The following MAF variants were observed in gnomAD, a reference collection of about 807,000 sequenced individuals.
MAF encodes the protein MAF bZIP transcription factor.
MAF carries 10 observed loss-of-function variants against 22.0 expected under a neutral mutation model. That is an observed-to-expected ratio of 0.45 (90% CI 0.28 to 0.77). The LOEUF (loss-of-function observed/expected upper bound fraction) is 0.77, where lower values mean the gene tolerates loss of function less well. Ranked by LOEUF, MAF falls within the 30% of genes least tolerant of loss-of-function variation. The pLI is 0.12. For synonymous variants in MAF, 337 were observed against 255.8 expected (o/e 1.32, Z -3.03); for missense variants, 544 against 548.4 (o/e 0.99, Z 0.08).
At chr16:79,458,410 G>A in the MAF span, among the ~76,000 whole-genome samples, 2 of 152,162 alleles carry the variant, frequency 1.3e-5, no homozygotes, top group African/African-American at 4.8e-5. Flanking sequence ...GGCCCTCAGA[G>A]ACAGAGTGTT....
chr16:79,209,896 A>T, the MAF span, among the ~76,000 whole-genome samples: 1 of 152,220 alleles, frequency 6.6e-6, no homozygotes, highest in Non-Finnish European at 1.5e-5. Flanking sequence ...GATGACATGA[A>T]CTCATTTCCA....
chr16:79,425,494 G>A, the MAF span, among the ~76,000 whole-genome samples: 1 of 152,208 alleles, frequency 6.6e-6, no homozygotes, highest in Non-Finnish European at 1.5e-5. Flanking sequence ...GGTGGGAACT[G>A]ATTGGAAAAG....
the MAF span, among the ~76,000 whole-genome samples, chr16:79,401,501 T>A: frequency 6.6e-6 from 1 of 152,048 alleles, no homozygotes; most frequent in Admixed American, 6.6e-5. Flanking sequence ...CTTCATATAT[T>A]TTATTGGAGC....
At chr16:79,336,829 G>A in the MAF span, among the ~76,000 whole-genome samples, 1 of 152,262 alleles carries the variant, frequency 6.6e-6, no homozygotes, top group East Asian at 1.9e-4. Flanking sequence ...CCACCTTCTG[G>A]AGCTACAAAT....
chr16:79,329,966 AC>A, the MAF span, among the ~76,000 whole-genome samples: 2 of 151,910 alleles, frequency 1.3e-5, no homozygotes, highest in Non-Finnish European at 2.9e-5. Context: ...TAAAAAAAAA[AC>A]AGCAAAAGAC....
chr16:79,503,695 C>G, the MAF span, among the ~76,000 whole-genome samples: 1 of 152,150 alleles, frequency 6.6e-6, no homozygotes, highest in Admixed American at 6.5e-5. Flanking sequence ...CATGAGTGTT[C>G]CTGCTTCCCT....
the MAF span, among the ~76,000 whole-genome samples, chr16:79,527,604 A>C: frequency 3.4e-4 from 52 of 152,100 alleles, no homozygotes; most frequent in African/African-American, 1.2e-3. Context: ...AAGTCCCATC[A>C]CCTTACAATC....
the MAF span, among the ~76,000 whole-genome samples, chr16:79,250,746 G>C: frequency 6.6e-6 from 1 of 152,188 alleles, no homozygotes. Flanking sequence ...AAATTCGTTT[G>C]AGAAATCCGT....
the MAF span, among the ~76,000 whole-genome samples, chr16:79,298,493 C>G: frequency 6.6e-6 from 1 of 152,182 alleles, no homozygotes; most frequent in African/African-American, 2.4e-5. Context: ...CAACCAGCTC[C>G]AACTGGGGAG....
At chr16:79,346,688 C>T in the MAF span, among the ~76,000 whole-genome samples, 1 of 152,136 alleles carries the variant, frequency 6.6e-6, no homozygotes, top group Non-Finnish European at 1.5e-5. Context: ...ATGTCTTCTA[C>T]ACGGGGTGTG....
the MAF span, among the ~76,000 whole-genome samples, chr16:79,244,095 C>A: frequency 6.6e-6 from 1 of 151,992 alleles, no homozygotes; most frequent in Admixed American, 6.6e-5. Context: ...TATGACAAAT[C>A]CACAGCCAGT....
At chr16:79,359,278 G>A in the MAF span, among the ~76,000 whole-genome samples, 2 of 152,150 alleles carry the variant, frequency 1.3e-5, no homozygotes, top group African/African-American at 4.8e-5. Flanking sequence ...ATCTTTGCAC[G>A]AGGTCTCAGG....
the MAF span, among the ~76,000 whole-genome samples, chr16:79,311,071 G>T: frequency 6.7e-6 from 1 of 150,138 alleles, no homozygotes; most frequent in South Asian, 2.1e-4. Flanking sequence ...CACTCCCTCA[G>T]CACTGGCCTC....
chr16:79,203,540 T>C, the MAF span: 1 of 151,300 alleles, frequency 6.6e-6, no homozygotes, highest in African/African-American at 2.4e-5. Flanking sequence ...GACTATGTTA[T>C]AGAATACTTA....
intron 1 of MAF, chr16:79,598,471 A>G: frequency 7.7e-7 from 1 of 1,300,090 alleles, no homozygotes; most frequent in Non-Finnish European, 9.9e-7. Context: ...AAAAAAAAAA[A>G]CAAGCTAGCA....
the MAF span, among the ~76,000 whole-genome samples, chr16:79,365,626 C>A: frequency 1.3e-5 from 2 of 151,718 alleles, no homozygotes; most frequent in Non-Finnish European, 2.9e-5. Context: ...GTGACCTGGT[C>A]TCAACAGGGC....
the MAF span, among the ~76,000 whole-genome samples, chr16:79,569,683 C>G: frequency 2.6e-5 from 4 of 152,146 alleles, no homozygotes; most frequent in Admixed American, 6.5e-5. Flanking sequence ...TACAGTCACC[C>G]AGGGAGCTTT....
chr16:79,528,312 A>G, the MAF span, among the ~76,000 whole-genome samples: 9 of 152,294 alleles, frequency 5.9e-5, no homozygotes, highest in East Asian at 1.5e-3. Flanking sequence ...GATGTTCTAG[A>G]ATCACATTCA....
chr16:79,508,430 A>G, the MAF span, among the ~76,000 whole-genome samples: 1 of 150,080 alleles, frequency 6.7e-6, no homozygotes, highest in African/African-American at 2.5e-5. Context: ...GGTGTAGGTC[A>G]CTCCTTCCTA....
Sources: gnomAD v4.1 joint callset for allele counts (sites outside exome capture counted in the v4.1 genomes callset) on GRCh38, gnomAD v4.1.1 for gene constraint, MANE v1.5 for transcripts, NCBI Gene and HGNC (gene_info 2026-07-23, HGNC 2026-07-21) for gene names.